Variants in D2HGDH observed in about 807,000 individuals in gnomAD.
D2HGDH encodes D-2-hydroxyglutarate dehydrogenase, mitochondrial.
D2HGDH carries 31 observed loss-of-function variants against 46.9 expected under a neutral mutation model. The observed-to-expected ratio is 0.66, with a 90% CI of 0.50 to 0.89. D2HGDH has a LOEUF of 0.89. D2HGDH is among the 40% of genes least tolerant of loss of function. The pLI, the probability that D2HGDH is intolerant of heterozygous loss-of-function variation, is 0.00. For missense variants in D2HGDH, 698 were observed against 720.8 expected, an observed-to-expected ratio of 0.97 and a Z score of 0.36; for synonymous variants, 364 against 332.6, an observed-to-expected ratio of 1.09 and a Z score of -1.03.
chr2:241,743,975 C>G lies in D2HGDH; in HGVS notation c.684+160C>G, dbSNP rs564093161. On this transcript the variant is annotated intron_variant, in intron 5 of 9. Coordinates refer to ENST00000321264, the MANE Select transcript of D2HGDH (RefSeq NM_152783.5). This position sits in a 1 kb window ranked among gnomAD's most constrained non-coding sequence, Gnocchi z 4.8. ...AAGGATGTGTGGGCTACATACACCC[C>G]CATCCTGAGGGAGGCCTGGCCCTGC... Among the ~76,000 whole-genome samples, 1 of 152,224 alleles carries G rather than the reference C, an allele frequency of 6.6e-6. No homozygotes were observed. Among genetic ancestry groups the G allele is most frequent in the African/African-American group, 2.4e-5 (1 of 41,456 alleles).
At chr2:241,748,727 A>G in intron 6 of D2HGDH, 1 of 896,998 alleles carries the variant, frequency 1.1e-6, no homozygotes, top group Non-Finnish European at 1.4e-6. Context: ...GGGGCTCCTC[A>G]CCACCTGACC....
intron 8 of D2HGDH, among the ~76,000 whole-genome samples, chr2:241,753,375 G>C (rs2125149224): frequency 6.6e-6 from 1 of 151,904 alleles, no homozygotes; most frequent in East Asian, 1.9e-4. Context: ...GAGGCTCTGG[G>C]CAGGTCTGGG....
chr2:241,755,556 T>C, intron 8 of D2HGDH: 1 of 1,420,752 alleles, frequency 7.0e-7, no homozygotes, highest in Non-Finnish European at 9.4e-7. Context: ...AGTCCCAGGG[T>C]GCTCGGTGCT....
In D2HGDH at chr2:241,755,947, C is replaced by T. The variant is rs748575580; in HGVS notation, c.1239C>T (p.Asp413=). 6.8e-6 allele frequency: 11 copies of T among 1,610,752 alleles called. No individual in the cohort carries two copies. Among genetic ancestry groups the T allele is most frequent in the African/African-American group, 2.7e-5 (2 of 75,016 alleles). The change falls in exon 9 of 10, where the codon GAC becomes GAT. Residue 413 remains aspartate (D), a synonymous_variant. Coordinates refer to ENST00000321264, the MANE Select transcript of D2HGDH (RefSeq NM_152783.5). Reference sequence around the variant, plus strand: ...CCCTCCCTGTGGAGCGGCTCTACGACATCGTGACTGACCTGCGCGCCCGCC... The same window carrying T: ...CCCTCCCTGTGGAGCGGCTCTACGATATCGTGACTGACCTGCGCGCCCGCC... The part of the protein sequence containing the change: ...DLSLPVERLY[D]IVTDLRARLG...
chr2:241,756,976 C>A (rs1698251258), intron 9 of D2HGDH, among the ~76,000 whole-genome samples: 1 of 152,190 alleles, frequency 6.6e-6, no homozygotes, highest in South Asian at 2.1e-4. Flanking sequence ...GCACTGGAGT[C>A]ACTGACCTGA....
At chr2:241,735,604 C>A in intron 2 of D2HGDH, 88 bp downstream of exon 2, 2 of 1,553,114 alleles carry the variant, frequency 1.3e-6, no homozygotes, top group South Asian at 2.3e-5. Flanking sequence ...CTGAGAACAA[C>A]CTGGATGGGG....
At chr2:241,748,368 G>A (rs577323610) in intron 6 of D2HGDH, among the ~76,000 whole-genome samples, 3 of 152,234 alleles carry the variant, frequency 2.0e-5, no homozygotes, top group East Asian at 1.9e-4. Context: ...TGATCTGCCC[G>A]CCTCGGCCTC....
intron 2 of D2HGDH, among the ~76,000 whole-genome samples, chr2:241,737,382 C>T (rs1693215869): frequency 2.0e-5 from 3 of 152,396 alleles, no homozygotes; most frequent in Admixed American, 6.5e-5. Flanking sequence ...ATGCCTGCTC[C>T]TCTCCTCCCA....
At chr2:241,755,611 T>A in intron 8 of D2HGDH, 9 of 1,514,998 alleles carry the variant, frequency 5.9e-6, no homozygotes, top group Non-Finnish European at 7.1e-6. Context: ...GATTCCAGGG[T>A]TGGAGCCACA....
Position 241,754,212 on chromosome 2 carries a change from C to T in D2HGDH, c.1141-1637C>T, listed in dbSNP as rs146772599. Among the ~76,000 whole-genome samples, 1,117 of 152,256 alleles carry T rather than the reference C, an allele frequency of 7.3e-3. 21 individuals carry two copies. Among genetic ancestry groups the T allele is most frequent in the East Asian group, 0.061 (316 of 5,160 alleles). On this transcript the variant is annotated intron_variant, in intron 8 of 9. Transcript: ENST00000321264. ...GAGGTAAGAAGGCCTCACAGGCAGC[C>T]GATGCCCGCCAGACCATGGAGGCGA...
At position 241,741,408 on chromosome 2, in the gene D2HGDH, C is replaced by T. The variant is rs575807173; in HGVS notation, c.350+318C>T. 3.9e-5 allele frequency among the ~76,000 whole-genome samples: 6 copies of T among 152,346 alleles called. No individual in the cohort carries two copies. In the East Asian group the frequency reaches 1.2e-3, roughly 29 times the overall value. On this transcript the variant is annotated intron_variant, in intron 3 of 9. Coordinates refer to ENST00000321264, the MANE Select transcript of D2HGDH (RefSeq NM_152783.5). ...GACTGTGGACAGTGCTTTAGATCAT[C>T]CTCAGCAGGTGCTTTGGGGCAACGT...
At chr2:241,758,750 G>A (rs1338589014) in intron 9 of D2HGDH, among the ~76,000 whole-genome samples, 1 of 144,106 alleles carries the variant, frequency 6.9e-6, no homozygotes, top group East Asian at 2.1e-4. Flanking sequence ...GATCTATACC[G>A]CCCCCCGCCC....
At chr2:241,738,852 G>A (rs974890976) in intron 2 of D2HGDH, among the ~76,000 whole-genome samples, 1 of 152,236 alleles carries the variant, frequency 6.6e-6, no homozygotes, top group African/African-American at 2.4e-5. Context: ...TGTCTGCTCA[G>A]TAGGTGTTTG....
At chr2:241,759,691 C>T (rs1203784352) in intron 9 of D2HGDH, among the ~76,000 whole-genome samples, 1 of 152,172 alleles carries the variant, frequency 6.6e-6, no homozygotes, top group African/African-American at 2.4e-5. Context: ...TCTCTCACTT[C>T]TTGTCTATTT....
chr2:241,742,645 C>T lies in D2HGDH; in HGVS notation c.490+71C>T, dbSNP rs139728644. 2.5e-6 allele frequency: 4 copies of T among 1,593,206 alleles called. No individual in the cohort carries two copies. In the East Asian group the frequency reaches 8.9e-5, roughly 36 times the overall value. On this transcript the variant is annotated intron_variant, in intron 4 of 9. Coordinates refer to ENST00000321264, the MANE Select transcript of D2HGDH (RefSeq NM_152783.5). This position sits in a 1 kb window ranked among gnomAD's most constrained non-coding sequence, Gnocchi z 4.8. ...TGGTGGAGTTCTTCCTTGCCAGCGT[C>T]TGCAACTGTGGGGTGCTTGGGTGGG...
Position 241,743,530 on chromosome 2 carries a change from G to A in D2HGDH, c.491-92G>A. 7.0e-7 allele frequency: 1 copy of A among 1,431,454 alleles called. No homozygotes were observed. The highest frequency in any genetic ancestry group is 1.2e-5 in the South Asian group (1 of 82,076). The allele number at this position is 1,431,454 out of a possible 1,614,324, so 88.7% of individuals were successfully genotyped here. ...GCGCTGAGGCTGATGTTCCTTCTGG[G>A]TGGCTTGCCTGTGCAAGATGGGGGT... On this transcript the variant is annotated intron_variant, in intron 4 of 9. Transcript: ENST00000321264. The surrounding 1 kb of genome is among the most constrained non-coding windows in gnomAD (Gnocchi z 4.8).
chr2:241,762,923 G>A (rs879159586), intron 9 of D2HGDH, among the ~76,000 whole-genome samples: 11 of 152,164 alleles, frequency 7.2e-5, no homozygotes, highest in East Asian at 1.9e-4. Flanking sequence ...GACCTTAGCC[G>A]TGGTGGTTTG....
In D2HGDH at chr2:241,768,196, G is replaced by A. The variant is rs964123370; in HGVS notation, c.*227G>A. ...CACCCTCCTTTGCAGGGCGAGGTGG[G>A]GCCTCTGCAGCCATCCTGGACAGGC... is the stretch of plus-strand genomic sequence containing the variant. On this transcript the variant is annotated 3_prime_UTR_variant, in exon 10 of 10. Transcript: ENST00000321264. 2.9e-6 allele frequency: 2 copies of A among 687,384 alleles called. No individual in the cohort carries two copies. The highest frequency in any genetic ancestry group is 4.8e-6 in the Non-Finnish European group (2 of 421,008). The allele number at this position is 687,384 out of a possible 1,614,324, so 42.6% of individuals were successfully genotyped here. A position where few individuals can be genotyped will look rare whatever the true frequency, so the allele number is the denominator to read the frequency against.
At chr2:241,749,468 C>A in intron 6 of D2HGDH, 1 of 1,021,370 alleles carries the variant, frequency 9.8e-7, no homozygotes, top group Non-Finnish European at 1.3e-6. Flanking sequence ...CCACTCAGTT[C>A]CTTTCCATCT....
Sources: allele counts gnomAD v4.1 joint callset (sites outside exome capture counted in the v4.1 genomes callset), GRCh38; gene constraint gnomAD v4.1.1; non-coding constraint Gnocchi (gnomAD v3.1); transcripts MANE v1.5; gene names NCBI Gene and HGNC (gene_info 2026-07-23, HGNC 2026-07-21).